SIPA1L3: variants seen among roughly 807,000 people sequenced by gnomAD.
The protein encoded by SIPA1L3 is signal-induced proliferation-associated 1-like protein 3.
SIPA1L3 carries 59 observed loss-of-function variants against 150.1 expected under a neutral mutation model. That is an observed-to-expected ratio of 0.39 (90% CI 0.32 to 0.49). The LOEUF (loss-of-function observed/expected upper bound fraction) is 0.49. SIPA1L3 is among the 20% of genes least tolerant of loss of function. The pLI is 0.86. For missense variants in SIPA1L3, 2,211 were observed against 2,489.5 expected (o/e 0.89, Z 2.38); for synonymous variants, 1,070 against 1,077.6 (o/e 0.99, Z 0.14).
intron 3 of SIPA1L3, chr19:38,087,861 A>T (rs1413151642): frequency 6.6e-6 from 1 of 152,282 alleles, no homozygotes; most frequent in Non-Finnish European, 1.5e-5. Context: ...TGCTAAAAAT[A>T]TAAGAAATTA....
At chr19:38,201,642 G>A (rs929081062) in intron 19 of SIPA1L3, among the ~76,000 whole-genome samples, 4 of 152,212 alleles carry the variant, frequency 2.6e-5, no homozygotes, top group Admixed American at 6.5e-5. Context: ...TCGTTGGATC[G>A]AAAGCCTCGA....
intron 15 of SIPA1L3, among the ~76,000 whole-genome samples, chr19:38,176,474 G>A (rs1295427239): frequency 6.6e-6 from 1 of 151,730 alleles, no homozygotes. Flanking sequence ...ATGCCTCACT[G>A]CAGCCTCAAA....
At chr19:38,162,400 G>A (rs200081015) in intron 14 of SIPA1L3, 29 bp downstream of exon 14, 54 of 1,555,250 alleles carry the variant, frequency 3.5e-5, no homozygotes, top group Middle Eastern at 3.5e-4. Context: ...CTGCCCTACC[G>A]GGGGAGCCAG....
intron 1 of SIPA1L3, among the ~76,000 whole-genome samples, chr19:38,026,086 G>A (rs1968502954): frequency 6.6e-6 from 1 of 152,210 alleles, no homozygotes; most frequent in Non-Finnish European, 1.5e-5. Context: ...AAGTCTAAAA[G>A]GAAGTGGATG....
At chr19:38,012,977 C>G (rs964087289) in intron 1 of SIPA1L3, among the ~76,000 whole-genome samples, 9 of 152,190 alleles carry the variant, frequency 5.9e-5, no homozygotes, top group Admixed American at 5.2e-4. Context: ...GAGTGCAGGT[C>G]CCACAGGCAG....
At chr19:37,973,772 G>A (rs1725477) in intron 1 of SIPA1L3, among the ~76,000 whole-genome samples, 1 of 151,904 alleles carries the variant, frequency 6.6e-6, no homozygotes, top group African/African-American at 2.4e-5. Flanking sequence ...CCTAGTTGAA[G>A]TTATGAGAGG....
chr19:37,988,450 T>G (rs994995853), intron 1 of SIPA1L3, among the ~76,000 whole-genome samples: 1 of 151,466 alleles, frequency 6.6e-6, no homozygotes, highest in Non-Finnish European at 1.5e-5. Context: ...CCGAGGCGGG[T>G]GGATCACCTG....
rs993995554 is a variant in SIPA1L3, at chr19:37,944,120, T to TA, written c.-379+36770dup. Among the ~76,000 whole-genome samples the TA allele has an allele frequency of 9.3e-5, 14 of 151,220 alleles. No individual in the cohort carries two copies. In the East Asian group the frequency reaches 9.8e-4, roughly 11 times the overall value. On this transcript the variant is annotated intron_variant, in intron 1 of 21. Coordinates refer to ENST00000222345, the MANE Select transcript of SIPA1L3 (RefSeq NM_015073.3). The stretch of plus-strand genomic sequence containing the variant: ...GGCGAAACCGCATCTCTACTAAAAA[T>TA]AAAAAAAATTAGCCAGGTGCAGAGG...
intron 10 of SIPA1L3, among the ~76,000 whole-genome samples, chr19:38,137,237 G>GGA (rs1439002434): frequency 6.6e-6 from 1 of 152,078 alleles, no homozygotes; most frequent in African/African-American, 2.4e-5. Context: ...TGCCCAGGCT[G>GGA]GAGTGCAGTG....
In SIPA1L3 at chr19:38,135,906, G is replaced by C. The variant is rs571025561; in HGVS notation, c.3143+5134G>C. On this transcript the variant is annotated intron_variant, in intron 10 of 21. Transcript: ENST00000222345. ...GTTGTAGTGAGCTCTGAGGCGAGCA[G>C]TGAGGACGGGATAGAAGTGCCCTCG... 7.9e-5 allele frequency among the ~76,000 whole-genome samples: 12 copies of C among 152,118 alleles called. No individual in the cohort carries two copies. In the South Asian group the frequency reaches 2.1e-3, roughly 26 times the overall value.
At chr19:37,958,843 T>C (rs888777190) in intron 1 of SIPA1L3, among the ~76,000 whole-genome samples, 26 of 152,188 alleles carry the variant, frequency 1.7e-4, no homozygotes, top group African/African-American at 5.1e-4. Flanking sequence ...CTTGACAATA[T>C]AAAAACAACC....
At position 38,082,115 on chromosome 19, in the gene SIPA1L3, G is replaced by A. The variant is rs988904323; in HGVS notation, c.550G>A (p.Ala184Thr). 1.9e-6 allele frequency: 3 copies of A among 1,607,670 alleles called. No individual in the cohort carries two copies. Among genetic ancestry groups the A allele is most frequent in the South Asian group, 2.2e-5 (2 of 90,996 alleles). The change falls in exon 3 of 22, where the codon GCG (alanine) becomes ACG (threonine). Residue 184 changes from alanine to threonine, a missense_variant. Physicochemically the swap from Ala to Thr is moderately conservative, Grantham distance 58 (BLOSUM62 0). This residue lies in a region of SIPA1L3 where 587 missense variants were observed against 534.5 expected (regional missense o/e 1.10). Transcript: ENST00000222345. ...ITLSECDAED[A>T]GEPRGARHTG... ...CCTCAGCGAGTGTGACGCGGAGGAC[G>A]CGGGGGAGCCGCGGGGGGCCCGGCA...
chr19:37,972,872 C>A (rs77070064), intron 1 of SIPA1L3, among the ~76,000 whole-genome samples: 71 of 152,276 alleles, frequency 4.7e-4, no homozygotes, highest in East Asian at 1.7e-3. Context: ...CCCCTTCCCC[C>A]CAAATTAGTG....
chr19:38,140,594 C>G (rs1026459940), intron 10 of SIPA1L3, among the ~76,000 whole-genome samples: 3 of 152,012 alleles, frequency 2.0e-5, no homozygotes, highest in Non-Finnish European at 4.4e-5. Context: ...TGGCCTGGGT[C>G]AGGTAGAAGC....
intron 12 of SIPA1L3, among the ~76,000 whole-genome samples, chr19:38,145,329 C>T (rs566546540): frequency 5.3e-5 from 8 of 151,924 alleles, no homozygotes; most frequent in African/African-American, 1.7e-4. Context: ...GTCAGGAGTT[C>T]GAGACCAGCC....
chr19:38,120,003 C>T (rs1970981147), intron 9 of SIPA1L3, 121 bp downstream of exon 9: 1 of 663,202 alleles, frequency 1.5e-6, no homozygotes, highest in Non-Finnish European at 2.5e-6. Context: ...GAGAGAATCA[C>T]AGTTGTCACT....
At chr19:38,068,415 C>T (rs1969645215) in intron 2 of SIPA1L3, among the ~76,000 whole-genome samples, 1 of 152,136 alleles carries the variant, frequency 6.6e-6, no homozygotes, top group Admixed American at 6.6e-5. Flanking sequence ...TAAAGACAGT[C>T]AGCGTCATTC....
chr19:37,980,932 T>A (rs1323028992), intron 1 of SIPA1L3, among the ~76,000 whole-genome samples: 1 of 152,184 alleles, frequency 6.6e-6, no homozygotes, highest in Non-Finnish European at 1.5e-5. Context: ...TTTCTAGTCA[T>A]GAGACACGGG....
chr19:37,988,030 C>T (rs1967405786), intron 1 of SIPA1L3, among the ~76,000 whole-genome samples: 1 of 152,322 alleles, frequency 6.6e-6, no homozygotes, highest in East Asian at 1.9e-4. Context: ...CTCCTACAGT[C>T]CCCCTGCTGG....
Sources: allele counts gnomAD v4.1 joint callset (sites outside exome capture counted in the v4.1 genomes callset), GRCh38; gene constraint gnomAD v4.1.1; regional missense constraint gnomAD v4.1.1; transcripts MANE v1.5; gene names NCBI Gene and HGNC (gene_info 2026-07-23, HGNC 2026-07-21).